Variants in SLAIN1 observed in about 807,000 individuals in gnomAD.
The protein encoded by SLAIN1 is SLAIN family member 1.
A neutral mutation model predicts 55.4 loss-of-function variants in SLAIN1; 17 were observed. That is an observed-to-expected ratio of 0.31 (90% confidence interval 0.21 to 0.46). The LOEUF is 0.46. Ranked by LOEUF, SLAIN1 falls within the 20% of genes least tolerant of loss-of-function variation. The pLI, the probability that SLAIN1 is intolerant of heterozygous loss-of-function variation, is 1.00. For synonymous variants in SLAIN1, 348 were observed against 337.4 expected (o/e 1.03, Z -0.35); for missense variants, 682 against 785.1 (o/e 0.87, Z 1.57).
At chr13:77,760,459 T>A (rs1371444553) in intron 5 of SLAIN1, among the ~76,000 whole-genome samples, 1 of 152,224 alleles carries the variant, frequency 6.6e-6, no homozygotes, top group African/African-American at 2.4e-5. Flanking sequence ...TATCTCCTCA[T>A]TTTATTTTCT....
chr13:77,729,550 AC>A (rs1426976263), intron 2 of SLAIN1, among the ~76,000 whole-genome samples: 3 of 150,038 alleles, frequency 2.0e-5, no homozygotes, highest in African/African-American at 7.4e-5. Context: ...TGGGACCTCT[AC>A]AGAATAGTCA....
At chr13:77,753,417 T>A in intron 5 of SLAIN1, 59 bp downstream of exon 5, 1 of 966,262 alleles carries the variant, frequency 1.0e-6, no homozygotes, top group Non-Finnish European at 1.3e-6. Flanking sequence ...TTTTATAATT[T>A]TTAATTGTAA....
At chr13:77,699,299 A>C (rs1438569002) in intron 1 of SLAIN1, 1 of 287,012 alleles carries the variant, frequency 3.5e-6, no homozygotes, top group African/African-American at 2.2e-5. Flanking sequence ...TTTTTAAATT[A>C]AACTGTAGAA....
chr13:77,706,428 A>G (rs1295789892), intron 1 of SLAIN1, among the ~76,000 whole-genome samples: 2 of 152,108 alleles, frequency 1.3e-5, no homozygotes, highest in Non-Finnish European at 2.9e-5. Context: ...ATCAGAAATT[A>G]TTTCCCCAAA....
At chr13:77,716,076 A>C (rs1594259685) in intron 1 of SLAIN1, among the ~76,000 whole-genome samples, 1 of 150,188 alleles carries the variant, frequency 6.7e-6, no homozygotes, top group Non-Finnish European at 1.5e-5. Context: ...TCTGTGCTCT[A>C]TTTTGAGTTA....
At chr13:77,743,290 A>C in intron 2 of SLAIN1, 1 of 750,202 alleles carries the variant, frequency 1.3e-6, no homozygotes, top group Non-Finnish European at 1.8e-6. Flanking sequence ...TGTGCTGCAC[A>C]CTTACTTTGG....
chr13:77,705,206 C>G (rs1474926219), intron 1 of SLAIN1, among the ~76,000 whole-genome samples: 1 of 151,688 alleles, frequency 6.6e-6, no homozygotes, highest in African/African-American at 2.4e-5. Flanking sequence ...TGTCATACTT[C>G]ATTGGAAACA....
intron 4 of SLAIN1, among the ~76,000 whole-genome samples, chr13:77,750,731 C>G (rs1046641631): frequency 3.3e-5 from 5 of 152,154 alleles, no homozygotes; most frequent in African/African-American, 9.7e-5. Context: ...CATCCTTACT[C>G]TAGAACTACA....
intron 2 of SLAIN1, among the ~76,000 whole-genome samples, chr13:77,738,217 C>T (rs370977256): frequency 3.9e-5 from 2 of 51,824 alleles, no homozygotes; most frequent in African/African-American, 1.3e-4. Flanking sequence ...CACACATATA[C>T]ACATACATAT....
intron 2 of SLAIN1, among the ~76,000 whole-genome samples, chr13:77,723,389 T>C (rs896719676): frequency 1.3e-5 from 2 of 152,146 alleles, no homozygotes; most frequent in East Asian, 3.9e-4. Flanking sequence ...TTCTATTCCA[T>C]TAAAAGAAAC....
At chr13:77,711,975 ATAAT>A (rs1370855047) in intron 1 of SLAIN1, among the ~76,000 whole-genome samples, 5 of 151,732 alleles carry the variant, frequency 3.3e-5, no homozygotes, top group African/African-American at 7.3e-5. Context: ...ACAAAACCAC[ATAAT>A]TAATAGGTGC....
intron 1 of SLAIN1, among the ~76,000 whole-genome samples, chr13:77,702,972 G>A (rs1430814978): frequency 4.6e-5 from 7 of 152,100 alleles, no homozygotes; most frequent in Non-Finnish European, 1.0e-4. Context: ...GAAAGCAGGT[G>A]GAAAAGCACT....
chr13:77,725,663 G>A (rs1370591812), intron 2 of SLAIN1, among the ~76,000 whole-genome samples: 1 of 152,136 alleles, frequency 6.6e-6, no homozygotes, highest in East Asian at 1.9e-4. Flanking sequence ...ATGTGGAGAG[G>A]GGCATAGCTG....
chr13:77,701,674 T>C (rs2091032086), intron 1 of SLAIN1, among the ~76,000 whole-genome samples: 1 of 152,152 alleles, frequency 6.6e-6, no homozygotes, highest in Admixed American at 6.5e-5. Context: ...CTTAGCACAG[T>C]ATTGCTGGAA....
intron 1 of SLAIN1, among the ~76,000 whole-genome samples, chr13:77,711,988 G>C (rs906030548): frequency 6.6e-6 from 1 of 152,048 alleles, no homozygotes; most frequent in African/African-American, 2.4e-5. Flanking sequence ...ATTAATAGGT[G>C]CAGAAAAAGG....
At chr13:77,743,147 C>T (rs745971730) in intron 2 of SLAIN1, 2 of 1,302,034 alleles carry the variant, frequency 1.5e-6, no homozygotes, top group South Asian at 1.2e-5. Context: ...TAAAGCAATA[C>T]TAACACCTGA....
At position 77,698,333 on chromosome 13, in the gene SLAIN1, G is replaced by T; in HGVS notation, c.420G>T (p.Ala140=). The T allele has an allele frequency of 1.4e-5, 20 of 1,448,298 alleles. No individual in the cohort carries two copies. Among genetic ancestry groups the T allele is most frequent in the Non-Finnish European group, 1.8e-5 (20 of 1,102,612 alleles). 89.7% of individuals were successfully genotyped at this position (1,448,298 alleles called of 1,614,324 possible). A position where few individuals can be genotyped will look rare whatever the true frequency, so the allele number is the denominator to read the frequency against. ...SPAPSLLCSL[A]QPPEAPFVYF... is the part of the protein sequence containing the mutation. ...CGCCCTCCCTGCTTTGCAGCCTGGC[G>T]CAGCCACCCGAGGCGCCCTTCGTCT... Residue 140 remains alanine (A), a synonymous_variant, in exon 1 of 7, where the codon GCG becomes GCT. Transcript: ENST00000418532. The surrounding 1 kb of genome is among the most constrained non-coding windows in gnomAD (Gnocchi z 4.1).
chr13:77,710,921 T>G (rs1374069707), intron 1 of SLAIN1, among the ~76,000 whole-genome samples: 1 of 152,054 alleles, frequency 6.6e-6, no homozygotes, highest in Admixed American at 6.5e-5. Context: ...GAACGCAGGA[T>G]TAAGAAACTG....
intron 1 of SLAIN1, among the ~76,000 whole-genome samples, chr13:77,717,441 C>A (rs1172251200): frequency 1.3e-5 from 2 of 152,090 alleles, no homozygotes; most frequent in African/African-American, 4.8e-5. Flanking sequence ...CTTCTGGGCC[C>A]AGGTTTTTCT....
Sources: gnomAD v4.1 joint callset for allele counts (sites outside exome capture counted in the v4.1 genomes callset) on GRCh38, gnomAD v4.1.1 for gene constraint, Gnocchi (gnomAD v3.1) non-coding constraint, MANE v1.5 for transcripts, NCBI Gene and HGNC (gene_info 2026-07-23, HGNC 2026-07-21) for gene names.